The following BCKDHB variants were observed in gnomAD, a reference collection of about 807,000 sequenced individuals.
BCKDHB encodes the protein 2-oxoisovalerate dehydrogenase subunit beta, mitochondrial.
BCKDHB carries 41 observed loss-of-function variants against 48.5 expected under a neutral mutation model. The observed-to-expected ratio is 0.85, with a 90% confidence interval of 0.66 to 1.10. The LOEUF is 1.10. Among genes scored for constraint, BCKDHB ranks in the 50% least tolerant of loss-of-function variants. BCKDHB has a pLI of 0.00. For synonymous variants in BCKDHB, 201 were observed against 174.8 expected (o/e 1.15, Z -1.18); for missense variants, 496 against 494.2 (o/e 1.00, Z -0.03).
chr6:80,404,222 A>AT, the BCKDHB span, among the ~76,000 whole-genome samples: 91 of 151,914 alleles, frequency 6.0e-4, 1 homozygote, highest in African/African-American at 1.8e-3. Context: ...TTCAAAGGGA[A>AT]TTTTTTTTAA....
chr6:80,145,662 A>T (rs1441076566), intron 3 of BCKDHB, among the ~76,000 whole-genome samples: 1 of 152,166 alleles, frequency 6.6e-6, no homozygotes, highest in Non-Finnish European at 1.5e-5. Context: ...CCACTGACAC[A>T]TGTGATGTGA....
chr6:80,354,243 T>A, the BCKDHB span, among the ~76,000 whole-genome samples: 39,080 of 144,460 alleles, frequency 0.27, 5,443 homozygotes, highest in Non-Finnish European at 0.33. Context: ...TTATTTATTT[T>A]TTTATACAGA....
At chr6:80,201,143 A>G in intron 7 of BCKDHB, 112 bp downstream of exon 7, 2 of 879,326 alleles carry the variant, frequency 2.3e-6, no homozygotes, top group African/African-American at 1.7e-5. Flanking sequence ...TCTCAGATTA[A>G]GTCTGGTGCT....
At chr6:80,376,854 A>C in the BCKDHB span, among the ~76,000 whole-genome samples, 1 of 152,252 alleles carries the variant, frequency 6.6e-6, no homozygotes, top group Non-Finnish European at 1.5e-5. Context: ...GGAATATGAG[A>C]AATATATATT....
At chr6:80,340,696 C>G (rs1400549307) in intron 9 of BCKDHB, among the ~76,000 whole-genome samples, 2 of 152,118 alleles carry the variant, frequency 1.3e-5, no homozygotes, top group Non-Finnish European at 2.9e-5. Context: ...ATGGTTATGG[C>G]GTCATGTATT....
chr6:80,385,827 A>G, the BCKDHB span, among the ~76,000 whole-genome samples: 1 of 152,200 alleles, frequency 6.6e-6, no homozygotes, highest in Non-Finnish European at 1.5e-5. Flanking sequence ...AGGCATGGGA[A>G]TGGATATTAA....
intron 6 of BCKDHB, among the ~76,000 whole-genome samples, chr6:80,188,957 G>C (rs1285185809): frequency 6.6e-6 from 1 of 152,072 alleles, no homozygotes; most frequent in East Asian, 1.9e-4. Flanking sequence ...GTCTTTCTGA[G>C]ACTCTTACAG....
intron 9 of BCKDHB, among the ~76,000 whole-genome samples, chr6:80,296,148 G>A (rs1214161154): frequency 6.6e-6 from 1 of 152,110 alleles, no homozygotes; most frequent in Non-Finnish European, 1.5e-5. Context: ...AGTCCTGAAA[G>A]TTTTTTACCT....
intron 8 of BCKDHB, among the ~76,000 whole-genome samples, chr6:80,247,236 G>T (rs1035608056): frequency 2.6e-5 from 4 of 152,192 alleles, no homozygotes; most frequent in African/African-American, 9.7e-5. Flanking sequence ...TAATGCCTTT[G>T]TCCTTGGCTG....
At chr6:80,438,156 A>T in the BCKDHB span, among the ~76,000 whole-genome samples, 1 of 152,244 alleles carries the variant, frequency 6.6e-6, no homozygotes, top group Non-Finnish European at 1.5e-5. Flanking sequence ...TTTCTTCCTC[A>T]GATCACATAC....
the BCKDHB span, among the ~76,000 whole-genome samples, chr6:80,464,378 C>T: frequency 3.3e-5 from 5 of 152,104 alleles, no homozygotes; most frequent in African/African-American, 4.8e-5. Context: ...CCACCCACCT[C>T]GGCCTCCCAA....
chr6:80,290,453 C>T (rs372963422), intron 9 of BCKDHB, among the ~76,000 whole-genome samples: 1 of 152,200 alleles, frequency 6.6e-6, no homozygotes, highest in Non-Finnish European at 1.5e-5. Context: ...CCATGTCTCT[C>T]CCCCGCCCAC....
chr6:80,212,322 C>G lies in BCKDHB; in HGVS notation c.951+9110C>G, dbSNP rs529371634. Reference sequence around the variant, plus strand: ...CCAGAGTGGCTGTTTTAGACCTTCCCCCAGGAATGCATTCCTTTCCCAGGG... The same window carrying G: ...CCAGAGTGGCTGTTTTAGACCTTCCGCCAGGAATGCATTCCTTTCCCAGGG... On this transcript the variant is annotated intron_variant, in intron 8 of 9. Transcript: ENST00000320393. 7.2e-5 allele frequency among the ~76,000 whole-genome samples: 11 copies of G among 152,206 alleles called. No individual in the cohort carries two copies. The East Asian group carries it at 1.9e-3, about 27-fold the overall frequency.
the BCKDHB span, among the ~76,000 whole-genome samples, chr6:80,392,511 A>G: frequency 6.6e-6 from 1 of 151,726 alleles, no homozygotes; most frequent in Non-Finnish European, 1.5e-5. Context: ...ATTTGTCCTC[A>G]ATAATATTGT....
chr6:80,374,651 T>A, the BCKDHB span: 3 of 473,592 alleles, frequency 6.3e-6, no homozygotes, highest in South Asian at 6.9e-5. Context: ...TTACATTCAA[T>A]GTTATTATTG....
At chr6:80,418,342 G>T in the BCKDHB span, among the ~76,000 whole-genome samples, 1 of 152,212 alleles carries the variant, frequency 6.6e-6, no homozygotes, top group African/African-American at 2.4e-5. Flanking sequence ...TGATGCAGTT[G>T]TTTGGAGGTA....
At position 80,167,764 on chromosome 6, in the gene BCKDHB, A is replaced by G. The variant is rs765953398; in HGVS notation, c.430A>G (p.Ile144Val). ...IGIAVTGATA[I>V]AEIQFADYIF... ...AATTGCGGTCACTGGAGCTACTGCC[A>G]TTGCGGAAATTCAGTTTGCAGATTA... The change falls in exon 4 of 10, where the codon ATT (isoleucine) becomes GTT (valine). Residue 144 changes from isoleucine to valine, a missense_variant. By Grantham distance (29) the Ile-to-Val change is conservative. Transcript: ENST00000320393. The G allele has an allele frequency of 6.2e-7, 1 of 1,613,946 alleles. No individual in the cohort carries two copies. Among genetic ancestry groups the G allele is most frequent in the South Asian group, 1.1e-5 (1 of 91,076 alleles).
At chr6:80,279,835 G>A (rs1375710077) in intron 9 of BCKDHB, among the ~76,000 whole-genome samples, 1 of 152,134 alleles carries the variant, frequency 6.6e-6, no homozygotes, top group African/African-American at 2.4e-5. Flanking sequence ...AGAAGTCGAT[G>A]ATAAACAGGT....
intron 6 of BCKDHB, among the ~76,000 whole-genome samples, chr6:80,189,240 T>C (rs1301076017): frequency 6.6e-6 from 1 of 152,210 alleles, no homozygotes; most frequent in Admixed American, 6.5e-5. Context: ...TATATACCTT[T>C]AATTTTTTTC....
Sources: allele counts gnomAD v4.1 joint callset (sites outside exome capture counted in the v4.1 genomes callset), GRCh38; gene constraint gnomAD v4.1.1; transcripts MANE v1.5; gene names NCBI Gene and HGNC (gene_info 2026-07-23, HGNC 2026-07-21).